The following ARHGDIA variants were observed in gnomAD, a reference collection of about 807,000 sequenced individuals.
ARHGDIA encodes the protein Rho GDP dissociation inhibitor alpha.
A neutral mutation model predicts 25.0 loss-of-function variants in ARHGDIA; 9 were observed. The observed-to-expected ratio is 0.36, with a 90% CI of 0.22 to 0.63. The LOEUF is 0.63. Ranked by LOEUF, ARHGDIA falls within the 20% of genes least tolerant of loss-of-function variation. The probability of loss-of-function intolerance (pLI) is 0.69; values close to 1 mark genes in which losing one functional copy is unlikely to be tolerated. For missense variants in ARHGDIA, 239 were observed against 264.3 expected (o/e 0.90, Z 0.66); for synonymous variants, 166 against 111.5 (o/e 1.49, Z -3.08).
In ARHGDIA at chr17:81,867,968, G is replaced by A. The variant is rs2039094096; in HGVS notation, c.*908C>T. The A allele has an allele frequency of 5.8e-6, 1 of 173,542 alleles. No individual in the cohort carries two copies. The highest frequency in any genetic ancestry group is 1.2e-5 in the Non-Finnish European group (1 of 82,368). The allele number at this position is 173,542 out of a possible 1,614,324, so 10.8% of individuals were successfully genotyped here. A position where few individuals can be genotyped will look rare whatever the true frequency, so the allele number is the denominator to read the frequency against. Reference sequence around the variant, plus strand: ...GTGGCCCAGGGACGGCACGGACGGAGGCAATAAATACTGATGGCCAGGCGG... The same window carrying A: ...GTGGCCCAGGGACGGCACGGACGGAAGCAATAAATACTGATGGCCAGGCGG... On this transcript the variant is annotated 3_prime_UTR_variant, in exon 6 of 6. Coordinates refer to ENST00000269321, the MANE Select transcript of ARHGDIA (RefSeq NM_004309.6).
intron 1 of ARHGDIA, among the ~76,000 whole-genome samples, chr17:81,870,466 G>A (rs1385568852): frequency 1.3e-5 from 2 of 152,200 alleles, no homozygotes; most frequent in African/African-American, 2.4e-5. Context: ...GGATGTTAGG[G>A]GCAGCTAGAA....
rs1448323841 is a variant in ARHGDIA at position 81,869,238 on chromosome 17, TGCAGGACCCGAA to T, written c.352-14_352-3del. 1 of 1,614,026 alleles carries T rather than the reference TGCAGGACCCGAA, an allele frequency of 6.2e-7. No homozygotes were observed. Among genetic ancestry groups the T allele is most frequent in the South Asian group, 1.1e-5 (1 of 91,080 alleles). On this transcript the variant is annotated splice_polypyrimidine_tract_variant and splice_region_variant and intron_variant, in intron 4 of 5. Coordinates refer to ENST00000269321, the MANE Select transcript of ARHGDIA (RefSeq NM_004309.6). ...GCCGGACACTATCTCTCGGTTAACC[TGCAGGACCCGAA>T]GCGAGGATCAGGGAAGGTCGGTCCG...
chr17:81,868,709 G>A lies in ARHGDIA; in HGVS notation c.*167C>T, dbSNP rs1368672232. The A allele has an allele frequency of 3.3e-6, 5 of 1,533,638 alleles. No homozygotes were observed. The highest frequency in any genetic ancestry group is 3.5e-6 in the Non-Finnish European group (4 of 1,145,940). ...CCTGTGGGTGGGGGAGGGCTGAGGAGGGGGGTCGGAGGCACTCGGTTGAGC... is the reference window on the plus strand; with the variant it reads ...CCTGTGGGTGGGGGAGGGCTGAGGAAGGGGGTCGGAGGCACTCGGTTGAGC... On this transcript the variant is annotated 3_prime_UTR_variant, in exon 6 of 6. Coordinates refer to ENST00000269321, the MANE Select transcript of ARHGDIA (RefSeq NM_004309.6).
Position 81,868,149 on chromosome 17 carries a change from A to G in ARHGDIA, c.*727T>C. The G allele has an allele frequency of 2.0e-6, 1 of 495,754 alleles. No homozygotes were observed. The highest frequency in any genetic ancestry group is 3.5e-6 in the Non-Finnish European group (1 of 284,948). 30.7% of individuals were successfully genotyped at this position (495,754 alleles called of 1,614,324 possible). A position where few individuals can be genotyped will look rare whatever the true frequency, so the allele number is the denominator to read the frequency against. ...TACTGAGGTGACTTGAGTTTTGGCA[A>G]TTTGGCTTTCCCCAAGCCGCCGGAG... On this transcript the variant is annotated 3_prime_UTR_variant, in exon 6 of 6. Coordinates refer to ENST00000269321, the MANE Select transcript of ARHGDIA (RefSeq NM_004309.6).
In ARHGDIA at chr17:81,868,350, G is replaced by A. The variant is rs1439926899; in HGVS notation, c.*526C>T. ...GAGTTAGAGGCTAGTGAGGCCCCACGGTACACTCCACATGTTAAGGCATCA... is the reference window on the plus strand; with the variant it reads ...GAGTTAGAGGCTAGTGAGGCCCCACAGTACACTCCACATGTTAAGGCATCA... On this transcript the variant is annotated 3_prime_UTR_variant, in exon 6 of 6. Coordinates refer to ENST00000269321, the MANE Select transcript of ARHGDIA (RefSeq NM_004309.6). 1.7e-5 allele frequency: 25 copies of A among 1,429,550 alleles called. No individual in the cohort carries two copies. The highest frequency in any genetic ancestry group is 1.8e-4 in the Middle Eastern group (1 of 5,434). The allele number at this position is 1,429,550 out of a possible 1,614,324, so 88.6% of individuals were successfully genotyped here.
chr17:81,868,661 G>C lies in ARHGDIA; in HGVS notation c.*215C>G. On this transcript the variant is annotated 3_prime_UTR_variant, in exon 6 of 6. Transcript: ENST00000269321. The stretch of plus-strand genomic sequence containing the variant: ...ACAGCACAGGCAGAAGCAGCAACGA[G>C]ACAGGAGACCGAGGAGGCTGGGCCT... 1 of 1,535,104 alleles carries C rather than the reference G, an allele frequency of 6.5e-7. No homozygotes were observed. The highest frequency in any genetic ancestry group is 8.7e-7 in the Non-Finnish European group (1 of 1,146,776).
intron 5 of ARHGDIA, 39 bp downstream of exon 5, chr17:81,869,134 C>A (rs1391389195): frequency 6.2e-7 from 1 of 1,613,100 alleles, no homozygotes; most frequent in Non-Finnish European, 8.5e-7. Context: ...CAGCACGCAC[C>A]CAAGCGGCCC....
At position 81,869,542 on chromosome 17, in the gene ARHGDIA, C is replaced by T. The variant is rs1426856429; in HGVS notation, c.274G>A (p.Gly92Ser). 1.3e-6 allele frequency: 2 copies of T among 1,589,132 alleles called. No individual in the cohort carries two copies. The highest frequency in any genetic ancestry group is 1.8e-5 in the Admixed American group (1 of 56,346). The change falls in exon 3 of 6, where the codon GGC becomes AGC. Residue 92 changes from glycine (G) to serine (S), a missense_variant and splice_region_variant. Physicochemically the swap from Gly to Ser is moderately conservative, Grantham distance 56. Transcript: ENST00000269321. ...ACCCCCGCGGCCGCAGGGCACTCAC[C>T]CGTCAGGTCCAGCTCCAGGGGGCCC... is the stretch of plus-strand genomic sequence containing the variant. Reference protein sequence around the residue: ...APGPLELDLTGDLESFKKQSF... With the variant: ...APGPLELDLTSDLESFKKQSF...
Position 81,869,529 on chromosome 17 carries a change from G to GC in ARHGDIA, c.274+12dup, listed in dbSNP as rs1567852317. The GC allele has an allele frequency of 6.3e-7, 1 of 1,598,950 alleles. No individual in the cohort carries two copies. ...AGGGGCCGCCCGGACCCCCGCGGCCGCAGGGCACTCACCCGTCAGGTCCAG... is the reference window on the plus strand; with the variant it reads ...AGGGGCCGCCCGGACCCCCGCGGCCGCCAGGGCACTCACCCGTCAGGTCCAG... On this transcript the variant is annotated intron_variant, in intron 3 of 5. Transcript: ENST00000269321.
Position 81,868,692 on chromosome 17 carries a change from TG to T in ARHGDIA, c.*183del, listed in dbSNP as rs1598279194. On this transcript the variant is annotated 3_prime_UTR_variant, in exon 6 of 6. Coordinates refer to ENST00000269321, the MANE Select transcript of ARHGDIA (RefSeq NM_004309.6). ...AGACCGAGGAGGCTGGGCCTGTGGG[TG>T]GGGGAGGGCTGAGGAGGGGGGTCGG... 1 of 1,495,016 alleles carries T rather than the reference TG, an allele frequency of 6.7e-7. No homozygotes were observed. The highest frequency in any genetic ancestry group is 8.9e-7 in the Non-Finnish European group (1 of 1,128,056). 92.6% of individuals were successfully genotyped at this position (1,495,016 alleles called of 1,614,324 possible).
rs2039087580 is a variant in ARHGDIA at position 81,867,874 on chromosome 17, C to G, written c.*1002G>C. 6.5e-6 allele frequency: 1 copy of G among 154,772 alleles called. No homozygotes were observed. The highest frequency in any genetic ancestry group is 1.4e-5 in the Non-Finnish European group (1 of 69,740). 9.6% of individuals were successfully genotyped at this position (154,772 alleles called of 1,614,324 possible). On this transcript the variant is annotated 3_prime_UTR_variant, in exon 6 of 6. Transcript: ENST00000269321. Reference sequence around the variant, plus strand: ...TGTGCACTTGGTCCCTTGTTTGTTCCTGGCTGGGTCAGGGAAGGCCTGCCG... The same window carrying G: ...TGTGCACTTGGTCCCTTGTTTGTTCGTGGCTGGGTCAGGGAAGGCCTGCCG...
At position 81,868,050 on chromosome 17, in the gene ARHGDIA, G is replaced by A. The variant is rs781412778; in HGVS notation, c.*826C>T. The A allele has an allele frequency of 3.7e-6, 1 of 269,314 alleles. No homozygotes were observed. The highest frequency in any genetic ancestry group is 7.0e-6 in the Non-Finnish European group (1 of 142,332). The allele number at this position is 269,314 out of a possible 1,614,324, so 16.7% of individuals were successfully genotyped here. ...AGGCTGTCCATCGAGGGCTCTTGGGGGGGTGTGGGCTCTGGGCACTGCCCG... is the reference window on the plus strand; with the variant it reads ...AGGCTGTCCATCGAGGGCTCTTGGGAGGGTGTGGGCTCTGGGCACTGCCCG... On this transcript the variant is annotated 3_prime_UTR_variant, in exon 6 of 6. Transcript: ENST00000269321.
At chr17:81,870,180 AT>A (rs1232072974) in intron 1 of ARHGDIA, 3 of 527,688 alleles carry the variant, frequency 5.7e-6, no homozygotes, top group Non-Finnish European at 1.0e-5. Context: ...GCAGCCGATC[AT>A]GGGGAGAGAG....
intron 1 of ARHGDIA, chr17:81,870,843 G>C (rs1031707973): frequency 6.6e-6 from 1 of 152,048 alleles, no homozygotes; most frequent in East Asian, 1.9e-4. Flanking sequence ...CGTGCCGGGC[G>C]TGGCCCGGGC....
In ARHGDIA at chr17:81,868,693, G is replaced by C. The variant is rs893717708; in HGVS notation, c.*183C>G. 2.6e-6 allele frequency: 4 copies of C among 1,534,504 alleles called. No individual in the cohort carries two copies. The highest frequency in any genetic ancestry group is 2.0e-5 in the Admixed American group (1 of 50,980). ...GACCGAGGAGGCTGGGCCTGTGGGT[G>C]GGGGAGGGCTGAGGAGGGGGGTCGG... is the stretch of plus-strand genomic sequence containing the variant. On this transcript the variant is annotated 3_prime_UTR_variant, in exon 6 of 6. Coordinates refer to ENST00000269321, the MANE Select transcript of ARHGDIA (RefSeq NM_004309.6).
rs931352235 is a variant in ARHGDIA at position 81,871,322 on chromosome 17, G to A, written c.-52C>T. On this transcript the variant is annotated 5_prime_UTR_variant, in exon 1 of 6. Transcript: ENST00000269321. ...CCGGAGGGTTCGGCCGCGCGGTTCA[G>A]GATCCCTCCCGCACTAAATGACGAA... 9 of 152,266 alleles carry A rather than the reference G, an allele frequency of 5.9e-5. No individual in the cohort carries two copies. The highest frequency in any genetic ancestry group is 8.8e-5 in the Non-Finnish European group (6 of 67,844). The allele number at this position is 152,266 out of a possible 1,614,324, so 9.4% of individuals were successfully genotyped here.
At chr17:81,869,282 A>G in intron 4 of ARHGDIA, 46 bp from the exon 5 acceptor site, 1 of 1,613,928 alleles carries the variant, frequency 6.2e-7, no homozygotes, top group Non-Finnish European at 8.5e-7. Flanking sequence ...TCCGGACCCC[A>G]GCCCCAGCCC....
rs748656815 is a variant in ARHGDIA, at chr17:81,869,093, G to A, written c.416-18C>T. 5.0e-6 allele frequency: 8 copies of A among 1,612,750 alleles called. No homozygotes were observed. In the South Asian group the frequency reaches 6.6e-5, roughly 13 times the overall value. ...CTTGTCAACTGCGGCACAAGGAAGA[G>A]GGCGGTCAGCGGCCCCGCTTCCCCG... On this transcript the variant is annotated intron_variant, in intron 5 of 5. Coordinates refer to ENST00000269321, the MANE Select transcript of ARHGDIA (RefSeq NM_004309.6).
Position 81,868,828 on chromosome 17 carries a change from C to T in ARHGDIA, c.*48G>A. On this transcript the variant is annotated 3_prime_UTR_variant, in exon 6 of 6. Coordinates refer to ENST00000269321, the MANE Select transcript of ARHGDIA (RefSeq NM_004309.6). ...GAGGGGCTGGGGGGGACACATCCGC[C>T]TGTCCGTCGTCCGTCCGTCAGTCTG... 6.2e-7 allele frequency: 1 copy of T among 1,612,062 alleles called. No individual in the cohort carries two copies. Among genetic ancestry groups the T allele is most frequent in the Non-Finnish European group, 8.5e-7 (1 of 1,179,520 alleles).
Sources: gnomAD v4.1 joint callset for allele counts (sites outside exome capture counted in the v4.1 genomes callset) on GRCh38, gnomAD v4.1.1 for gene constraint, MANE v1.5 for transcripts, NCBI Gene and HGNC (gene_info 2026-07-23, HGNC 2026-07-21) for gene names.